The following SCAPER variants were observed in gnomAD, a reference collection of about 807,000 sequenced individuals.
The protein encoded by SCAPER is S phase cyclin A-associated protein in the endoplasmic reticulum.
SCAPER carries 98 observed loss-of-function variants against 182.2 expected under a neutral mutation model. That is an observed-to-expected ratio of 0.54 (90% CI 0.46 to 0.64). The LOEUF is 0.64. Ranked by LOEUF, SCAPER falls within the 30% of genes least tolerant of loss-of-function variation. SCAPER has a pLI of 0.00. For synonymous variants in SCAPER, 605 were observed against 564.6 expected (o/e 1.07, Z -1.01); for missense variants, 1,432 against 1,690.0 (o/e 0.85, Z 2.68).
intron 5 of SCAPER, among the ~76,000 whole-genome samples, chr15:76,829,567 CT>C (rs1345046112): frequency 2.0e-5 from 3 of 152,156 alleles, no homozygotes; most frequent in Non-Finnish European, 4.4e-5. Context: ...ACTCCAACTA[CT>C]CTCTTACCCT....
At chr15:76,650,403 A>T (rs2054929115) in intron 21 of SCAPER, among the ~76,000 whole-genome samples, 1 of 152,002 alleles carries the variant, frequency 6.6e-6, no homozygotes, top group Non-Finnish European at 1.5e-5. Flanking sequence ...TTTAGGATAA[A>T]GAGAATTAGA....
intron 5 of SCAPER, among the ~76,000 whole-genome samples, chr15:76,811,139 C>CGAAACAA (rs2066586405): frequency 8.1e-6 from 1 of 123,754 alleles, no homozygotes; most frequent in Non-Finnish European, 1.8e-5. Flanking sequence ...AAAAAAAAGA[C>CGAAACAA]AACGAAACAA....
At chr15:76,865,159 A>C (rs1042755458) in intron 2 of SCAPER, among the ~76,000 whole-genome samples, 2 of 152,170 alleles carry the variant, frequency 1.3e-5, no homozygotes, top group Admixed American at 1.3e-4. Flanking sequence ...AAAAGATATA[A>C]GCCCAATTCT....
chr15:76,741,147 A>C (rs1270226075), intron 15 of SCAPER, among the ~76,000 whole-genome samples: 1 of 152,104 alleles, frequency 6.6e-6, no homozygotes, highest in African/African-American at 2.4e-5. Context: ...AGATTAATAC[A>C]TCTTACTACG....
chr15:76,764,993 T>C lies in SCAPER; in HGVS notation c.1693A>G (p.Lys565Glu). The change falls in exon 14 of 32, where the codon AAA (lysine) becomes GAA (glutamate). Residue 565 changes from lysine to glutamate, a missense_variant. Lys to Glu is a moderately conservative substitution (Grantham distance 56). Coordinates refer to ENST00000563290, the MANE Select transcript of SCAPER (RefSeq NM_020843.4). The part of the protein sequence containing the change: ...QQLREKLREE[K>E]TLKLQKLLER... ...AACAATTTCTGAAGCTTCAATGTTT[T>C]CTCTTCGCGTAACTTTTCCCTTAGC... The C allele has an allele frequency of 1.2e-6, 2 of 1,601,192 alleles. No individual in the cohort carries two copies. The highest frequency in any genetic ancestry group is 1.7e-6 in the Non-Finnish European group (2 of 1,174,242).
intron 5 of SCAPER, among the ~76,000 whole-genome samples, chr15:76,830,437 G>A (rs1319291071): frequency 1.3e-5 from 2 of 152,154 alleles, no homozygotes; most frequent in Non-Finnish European, 2.9e-5. Context: ...CTGTTAGAAG[G>A]CTTCACTTGT....
At chr15:76,701,977 A>G (rs970481894) in intron 19 of SCAPER, 112 bp from the exon 20 acceptor site, 3 of 606,696 alleles carry the variant, frequency 4.9e-6, no homozygotes, top group Non-Finnish European at 8.4e-6. Flanking sequence ...TAGTATTTAC[A>G]TATTAGTCTT....
chr15:76,848,230 T>C (rs1841132992), intron 4 of SCAPER, among the ~76,000 whole-genome samples: 1 of 151,690 alleles, frequency 6.6e-6, no homozygotes, highest in African/African-American at 2.4e-5. Flanking sequence ...GAACTCCTAA[T>C]CTCAGGTGAC....
intron 5 of SCAPER, among the ~76,000 whole-genome samples, chr15:76,839,490 G>A (rs1164651241): frequency 6.6e-6 from 1 of 152,202 alleles, no homozygotes; most frequent in Non-Finnish European, 1.5e-5. Flanking sequence ...CATGTGCTTA[G>A]ACCAAACGTT....
At chr15:76,747,176 T>C (rs2061839748) in intron 15 of SCAPER, among the ~76,000 whole-genome samples, 1 of 152,148 alleles carries the variant, frequency 6.6e-6, no homozygotes, top group Non-Finnish European at 1.5e-5. Flanking sequence ...CAGACTGCAA[T>C]GGTTTGGCTG....
intron 17 of SCAPER, among the ~76,000 whole-genome samples, chr15:76,713,995 A>C (rs1328521505): frequency 6.6e-6 from 1 of 152,186 alleles, no homozygotes; most frequent in Non-Finnish European, 1.5e-5. Context: ...AAATGTCTCA[A>C]AGAGGTAAAA....
intron 4 of SCAPER, among the ~76,000 whole-genome samples, chr15:76,854,982 A>T (rs1052196859): frequency 6.7e-6 from 1 of 149,414 alleles, no homozygotes; most frequent in African/African-American, 2.4e-5. Context: ...AAAAAAAAAT[A>T]CAAAAAACAA....
At chr15:76,376,024 G>C in intron 29 of SCAPER, 138 bp downstream of exon 29, 1 of 994,560 alleles carries the variant, frequency 1.0e-6, no homozygotes, top group Non-Finnish European at 1.5e-6. Flanking sequence ...GGAGCTAGAG[G>C]CATATTCCTG....
At chr15:76,444,374 G>A (rs971091939) in intron 25 of SCAPER, among the ~76,000 whole-genome samples, 1 of 152,142 alleles carries the variant, frequency 6.6e-6, no homozygotes, top group Non-Finnish European at 1.5e-5. Context: ...TCTTGAACTT[G>A]ATGGAACTTA....
chr15:76,776,541 A>G (rs1252381724), intron 8 of SCAPER, among the ~76,000 whole-genome samples: 1 of 152,196 alleles, frequency 6.6e-6, no homozygotes, highest in African/African-American at 2.4e-5. Flanking sequence ...AGCATCAATG[A>G]GGCAGAAAAA....
rs530377438 is a variant in SCAPER, at chr15:76,426,965, G to A, written c.3311+7113C>T. On this transcript the variant is annotated intron_variant, in intron 26 of 31. Transcript: ENST00000563290. Reference sequence around the variant, plus strand: ...GTAAAGCTGCCAAGAACATGCAATGGGGAAATGAGAGTCTCTTCAATAAAC... The same window carrying A: ...GTAAAGCTGCCAAGAACATGCAATGAGGAAATGAGAGTCTCTTCAATAAAC... Among the ~76,000 whole-genome samples, 46 of 152,244 alleles carry A rather than the reference G, an allele frequency of 3.0e-4. 1 individual carries two copies. The highest frequency in any genetic ancestry group is 1.1e-3 in the African/African-American group (44 of 41,538).
At chr15:76,609,585 C>A (rs1039358371) in intron 22 of SCAPER, among the ~76,000 whole-genome samples, 2 of 152,162 alleles carry the variant, frequency 1.3e-5, no homozygotes, top group Non-Finnish European at 2.9e-5. Context: ...GCATACTATT[C>A]ATAGTTATTT....
intron 25 of SCAPER, 171 bp downstream of exon 25, chr15:76,471,041 A>C (rs2050115001): frequency 1.9e-6 from 1 of 529,710 alleles, no homozygotes; most frequent in African/African-American, 2.0e-5. Flanking sequence ...ATTATTAATA[A>C]ATTTGTCTGC....
chr15:76,379,617 G>A (rs1206296831), intron 28 of SCAPER: 2 of 152,114 alleles, frequency 1.3e-5, no homozygotes, highest in Non-Finnish European at 2.9e-5. Flanking sequence ...GATCTGGAAA[G>A]GAGAAATGTT....
Sources: gnomAD v4.1 joint callset for allele counts (sites outside exome capture counted in the v4.1 genomes callset) on GRCh38, gnomAD v4.1.1 for gene constraint, MANE v1.5 for transcripts, NCBI Gene and HGNC (gene_info 2026-07-23, HGNC 2026-07-21) for gene names.